FGFR1OP2: variants seen among roughly 807,000 people sequenced by gnomAD.
The protein encoded by FGFR1OP2 is fibroblast growth factor receptor 1 oncogene partner 2.
Under a neutral mutation model 35.2 loss-of-function variants are expected in FGFR1OP2, and 17 were observed. That is an observed-to-expected ratio of 0.48 (90% CI 0.33 to 0.73). FGFR1OP2 has a LOEUF of 0.73. FGFR1OP2 is among the 30% of genes least tolerant of loss of function. The probability of loss-of-function intolerance (pLI) is 0.02; values close to 1 mark genes in which losing one functional copy is unlikely to be tolerated. For synonymous variants in FGFR1OP2, 105 were observed against 104.6 expected, an observed-to-expected ratio of 1.00 and a Z score of -0.03; for missense variants, 251 against 307.3, an observed-to-expected ratio of 0.82 and a Z score of 1.37.
Position 26,954,276 on chromosome 12 carries a change from G to A in FGFR1OP2, c.118G>A (p.Val40Ile). The change falls in exon 2 of 7, where the codon GTA becomes ATA. Residue 40 changes from valine to isoleucine, a missense_variant. Transcript: ENST00000229395. ...IEQTTALNKR[V>I]EAMKQYQEEI... ...GCAAACCACAGCTCTCAACAAGCGA[G>A]TAGAAGCCATGAAACAGGTTTGATT... is the stretch of plus-strand genomic sequence containing the variant. 1 of 1,605,824 alleles carries A rather than the reference G, an allele frequency of 6.2e-7. No homozygotes were observed. Among genetic ancestry groups the A allele is most frequent in the East Asian group, 2.2e-5 (1 of 44,656 alleles).
In FGFR1OP2 at chr12:26,960,499, T is replaced by C. The variant is rs1939087513; in HGVS notation, c.397-16T>C. On this transcript the variant is annotated splice_polypyrimidine_tract_variant and intron_variant, in intron 4 of 6. Transcript: ENST00000229395. ...GATGATATCCGTATTAACATTATAA[T>C]GACTCTATACTACAGATTGACATGG... The C allele has an allele frequency of 6.4e-7, 1 of 1,570,792 alleles. No homozygotes were observed.
intron 1 of FGFR1OP2, among the ~76,000 whole-genome samples, chr12:26,953,313 G>A (rs1938966714): frequency 6.6e-6 from 1 of 151,128 alleles, no homozygotes; most frequent in Non-Finnish European, 1.5e-5. Context: ...TTTCAAGGAG[G>A]GTAAGTGTAA....
chr12:26,948,213 T>C (rs1938859930), intron 1 of FGFR1OP2, among the ~76,000 whole-genome samples: 1 of 152,188 alleles, frequency 6.6e-6, no homozygotes, highest in African/African-American at 2.4e-5. Context: ...TTAAAAGAAC[T>C]AAGAGGAAAA....
chr12:26,953,475 T>G (rs1158129922), intron 1 of FGFR1OP2: 2 of 152,346 alleles, frequency 1.3e-5, no homozygotes, highest in South Asian at 2.1e-4. Context: ...TATTGCTTAC[T>G]GATTTTAGCA....
At chr12:26,959,984 TG>T in intron 4 of FGFR1OP2, among the ~76,000 whole-genome samples, 1 of 152,098 alleles carries the variant, frequency 6.6e-6, no homozygotes, top group South Asian at 2.1e-4. Flanking sequence ...CAATATTAAC[TG>T]TCATAAGGAA....
chr12:26,956,689 C>G (rs199508407), intron 3 of FGFR1OP2, 29 bp downstream of exon 3: 8 of 1,341,494 alleles, frequency 6.0e-6, no homozygotes, highest in Middle Eastern at 2.0e-4. Context: ...TGACATTAAT[C>G]CCATTTCTAG....
intron 4 of FGFR1OP2, among the ~76,000 whole-genome samples, chr12:26,958,282 G>C (rs1025759423): frequency 2.0e-5 from 3 of 152,180 alleles, no homozygotes; most frequent in African/African-American, 7.2e-5. Context: ...GACCACTTCA[G>C]CTCAGGAGTT....
At position 26,957,802 on chromosome 12, in the gene FGFR1OP2, G is replaced by T. The variant is rs533415266; in HGVS notation, c.396+59G>T. 7.7e-6 allele frequency: 11 copies of T among 1,433,076 alleles called. No individual in the cohort carries two copies. In the South Asian group the frequency reaches 1.6e-4, roughly 21 times the overall value. The allele number at this position is 1,433,076 out of a possible 1,614,324, so 88.8% of individuals were successfully genotyped here. On this transcript the variant is annotated intron_variant, in intron 4 of 6. Transcript: ENST00000229395. ...AAAGAGAGACGATTGATTATTCTGT[G>T]TTCAGATTTTTTTTGAAAAAAATCA... is the stretch of plus-strand genomic sequence containing the variant.
At chr12:26,963,272 T>G in intron 5 of FGFR1OP2, 70 bp from the exon 6 acceptor site, 1 of 961,152 alleles carries the variant, frequency 1.0e-6, no homozygotes, top group South Asian at 1.6e-5. Flanking sequence ...CTGCAGATTT[T>G]ATAAAAAGGA....
intron 3 of FGFR1OP2, 122 bp from the exon 4 acceptor site, chr12:26,957,479 C>T (rs1293546384): frequency 1.3e-6 from 1 of 793,660 alleles, no homozygotes; most frequent in Non-Finnish European, 2.0e-6. Context: ...TGTTATATGG[C>T]TAGATTTTTG....
intron 1 of FGFR1OP2, among the ~76,000 whole-genome samples, chr12:26,942,096 G>C (rs1004459962): frequency 2.0e-5 from 3 of 152,280 alleles, no homozygotes; most frequent in Non-Finnish European, 4.4e-5. Flanking sequence ...GCAATGGTGC[G>C]ATCTCGGCTC....
Position 26,957,762 on chromosome 12 carries a change from G to A in FGFR1OP2, c.396+19G>A. Reference sequence around the variant, plus strand: ...CTCCAAGGTAATCCATTCTATAAATGTGACCTGAAATGGAAAAGAGAGACG... The same window carrying A: ...CTCCAAGGTAATCCATTCTATAAATATGACCTGAAATGGAAAAGAGAGACG... On this transcript the variant is annotated intron_variant, in intron 4 of 6. Coordinates refer to ENST00000229395, the MANE Select transcript of FGFR1OP2 (RefSeq NM_015633.3). 6.3e-7 allele frequency: 1 copy of A among 1,578,338 alleles called. No homozygotes were observed. The highest frequency in any genetic ancestry group is 8.6e-7 in the Non-Finnish European group (1 of 1,164,046).
chr12:26,958,414 G>T (rs1012130924), intron 4 of FGFR1OP2, among the ~76,000 whole-genome samples: 4 of 152,142 alleles, frequency 2.6e-5, no homozygotes, highest in Non-Finnish European at 5.9e-5. Flanking sequence ...TTTGTGTATT[G>T]ACTTCTCTTG....
chr12:26,943,145 A>G (rs750075441), intron 1 of FGFR1OP2, among the ~76,000 whole-genome samples: 20 of 152,058 alleles, frequency 1.3e-4, no homozygotes, highest in Admixed American at 5.9e-4. Flanking sequence ...TTATGTTGGG[A>G]TTAAACTTTT....
chr12:26,959,311 A>G (rs1313331845), intron 4 of FGFR1OP2, among the ~76,000 whole-genome samples: 1 of 152,110 alleles, frequency 6.6e-6, no homozygotes, highest in Non-Finnish European at 1.5e-5. Flanking sequence ...CCATTCTAAA[A>G]TCATTTAAAT....
rs114164527 is a variant in FGFR1OP2, at chr12:26,948,458, A to T, written c.-14-5687A>T. ...ATAGGTCTGTTCTTTCAGCATTTTG[A>T]AAGTGTTGTTCTACTTTTTACTGGC... On this transcript the variant is annotated intron_variant, in intron 1 of 6. Coordinates refer to ENST00000229395, the MANE Select transcript of FGFR1OP2 (RefSeq NM_015633.3). Among the ~76,000 whole-genome samples the T allele has an allele frequency of 3.6e-3, 547 of 152,280 alleles. 1 individual carries two copies. The highest frequency in any genetic ancestry group is 0.013 in the African/African-American group (525 of 41,550).
rs1299390628 is a variant in FGFR1OP2 at position 26,954,137 on chromosome 12, A to G, written c.-14-8A>G. On this transcript the variant is annotated splice_polypyrimidine_tract_variant and splice_region_variant and intron_variant, in intron 1 of 6. Transcript: ENST00000229395. ...TATTTTGAGTCTTGATTTTAATTTT[A>G]ATTATAGATATATCTTTAGAAATGA... 6.5e-7 allele frequency: 1 copy of G among 1,541,232 alleles called. No homozygotes were observed. Among genetic ancestry groups the G allele is most frequent in the Middle Eastern group, 1.9e-4 (1 of 5,350 alleles).
At position 26,948,877 on chromosome 12, in the gene FGFR1OP2, G is replaced by C. The variant is rs898530086; in HGVS notation, c.-14-5268G>C. ...AGGTATTCATAACGTAAACATACTAGAATATTTAAGAATATTGCCTGGCAT... is the reference window on the plus strand; with the variant it reads ...AGGTATTCATAACGTAAACATACTACAATATTTAAGAATATTGCCTGGCAT... On this transcript the variant is annotated intron_variant, in intron 1 of 6. Transcript: ENST00000229395. Among the ~76,000 whole-genome samples, 7 of 152,202 alleles carry C rather than the reference G, an allele frequency of 4.6e-5. No homozygotes were observed. In the East Asian group the frequency reaches 1.4e-3, roughly 29 times the overall value.
At chr12:26,952,345 G>C (rs943498625) in intron 1 of FGFR1OP2, among the ~76,000 whole-genome samples, 2 of 151,974 alleles carry the variant, frequency 1.3e-5, no homozygotes, top group African/African-American at 4.8e-5. Flanking sequence ...ATAGATTTTG[G>C]GTAGTTGTCC....
Sources: allele counts gnomAD v4.1 joint callset (sites outside exome capture counted in the v4.1 genomes callset), GRCh38; gene constraint gnomAD v4.1.1; transcripts MANE v1.5; gene names NCBI Gene and HGNC (gene_info 2026-07-23, HGNC 2026-07-21).